Variants in HIRA observed in about 807,000 individuals in gnomAD.
HIRA encodes the protein protein HIRA.
Under a neutral mutation model 126.6 loss-of-function variants are expected in HIRA, and 13 were observed. The observed-to-expected ratio is 0.10, with a 90% confidence interval of 0.07 to 0.16. The LOEUF (loss-of-function observed/expected upper bound fraction) is 0.16, where lower values mean the gene tolerates loss of function less well. HIRA is among the 10% of genes least tolerant of loss of function. The probability of loss-of-function intolerance (pLI) is 1.00; values close to 1 mark genes in which losing one functional copy is unlikely to be tolerated. For missense variants in HIRA, 834 were observed against 1,314.4 expected (o/e 0.63, Z 5.65); for synonymous variants, 511 against 520.0 (o/e 0.98, Z 0.24).
In HIRA at chr22:19,363,553, G is replaced by A. The variant is rs576176775; in HGVS notation, c.1776-1622C>T. 3.0e-4 allele frequency among the ~76,000 whole-genome samples: 46 copies of A among 152,338 alleles called. 1 individual carries two copies. The highest frequency in any genetic ancestry group is 1.0e-3 in the African/African-American group (42 of 41,582). On this transcript the variant is annotated intron_variant, in intron 15 of 24. Coordinates refer to ENST00000263208, the MANE Select transcript of HIRA (RefSeq NM_003325.4). ...ACAATAAAAAGATCAGTGGTTTCCA[G>A]GGGTTGGGGAAAGGAAGGTAACTAT...
intron 5 of HIRA, among the ~76,000 whole-genome samples, chr22:19,400,403 G>A (rs913865918): frequency 2.0e-5 from 3 of 152,104 alleles, no homozygotes; most frequent in Admixed American, 6.5e-5. Flanking sequence ...TTTGATAAGC[G>A]ATGCCTCCTT....
chr22:19,408,404 C>A, intron 3 of HIRA, 79 bp downstream of exon 3: 1 of 937,124 alleles, frequency 1.1e-6, no homozygotes, highest in Non-Finnish European at 1.8e-6. Flanking sequence ...GGGGCCTTAT[C>A]TTTCTAATTA....
chr22:19,387,724 C>T lies in HIRA; in HGVS notation c.1100G>A (p.Ser367Asn). The T allele has an allele frequency of 1.2e-6, 2 of 1,613,862 alleles. No individual in the cohort carries two copies. Among genetic ancestry groups the T allele is most frequent in the East Asian group, 4.5e-5 (2 of 44,880 alleles). ...FSQDELGDPL[S>N]EEEKSRIHQS... ...CCGTCAGCCTACCTTCTCCTCCTCG[C>T]TCAGGGGATCGCCAAGCTCATCCTG... is the stretch of plus-strand genomic sequence containing the variant. Residue 367 changes from serine to asparagine, a missense_variant, in exon 11 of 25, where the codon AGC becomes AAC. Transcript: ENST00000263208.
At chr22:19,415,322 T>G (rs2089387331) in intron 1 of HIRA, among the ~76,000 whole-genome samples, 1 of 152,114 alleles carries the variant, frequency 6.6e-6, no homozygotes, top group Admixed American at 6.6e-5. Flanking sequence ...AGAAAACAAT[T>G]CAATTTACAA....
chr22:19,402,259 C>T (rs923579982), intron 5 of HIRA, among the ~76,000 whole-genome samples: 1 of 152,188 alleles, frequency 6.6e-6, no homozygotes, highest in African/African-American at 2.4e-5. Context: ...GGTATGTGGA[C>T]AAGTAAATAT....
At chr22:19,407,394 T>C in intron 3 of HIRA, 120 bp from the exon 4 acceptor site, 1 of 758,304 alleles carries the variant, frequency 1.3e-6, no homozygotes, top group African/African-American at 1.7e-5. Flanking sequence ...ATTTAAGGCA[T>C]CTACTGTGTG....
chr22:19,409,274 T>C (rs911276996), intron 2 of HIRA, among the ~76,000 whole-genome samples: 9 of 150,022 alleles, frequency 6.0e-5, no homozygotes, highest in African/African-American at 2.3e-4. Context: ...TGCCTTTTAG[T>C]AATGATTTCT....
chr22:19,348,270 C>T (rs1240544949), intron 24 of HIRA, among the ~76,000 whole-genome samples: 1 of 152,292 alleles, frequency 6.6e-6, no homozygotes, highest in Middle Eastern at 3.4e-3. Flanking sequence ...TTTTCAAATA[C>T]TATGTCCACC....
At chr22:19,333,250 G>C (rs2088515396) in intron 24 of HIRA, among the ~76,000 whole-genome samples, 1 of 151,906 alleles carries the variant, frequency 6.6e-6, no homozygotes, top group African/African-American at 2.4e-5. Context: ...CGTCTGGCAG[G>C]ATTAATCAAG....
chr22:19,430,968 A>T (rs2089531454), intron 1 of HIRA, among the ~76,000 whole-genome samples: 1 of 152,076 alleles, frequency 6.6e-6, no homozygotes, highest in African/African-American at 2.4e-5. Flanking sequence ...CAATTCCCCA[A>T]CTGGGGGCAC....
chr22:19,378,280 G>GA (rs2089038178), intron 13 of HIRA, among the ~76,000 whole-genome samples: 1 of 152,298 alleles, frequency 6.6e-6, no homozygotes, highest in African/African-American at 2.4e-5. Context: ...GTACTACTAA[G>GA]AAAGAAAACA....
rs1342426548 is a variant in HIRA, at chr22:19,392,106, C to G, written c.931G>C (p.Val311Leu). 6.3e-7 allele frequency: 1 copy of G among 1,577,308 alleles called. No homozygotes were observed. The highest frequency in any genetic ancestry group is 8.7e-7 in the Non-Finnish European group (1 of 1,151,546). Residue 311 changes from valine (V) to leucine (L), a missense_variant, in exon 9 of 25, where the codon GTC becomes CTC. Coordinates refer to ENST00000263208, the MANE Select transcript of HIRA (RefSeq NM_003325.4). ...AVGSKDRSLS[V>L]WLTCLKRPLV... ...GCTCAGGATAGCAGGCTCACCCAGA[C>G]AGAAAGCGAGCGGTCCTTGCTGCCA...
chr22:19,365,406 A>T (rs113580859), intron 15 of HIRA, among the ~76,000 whole-genome samples: 37 of 152,330 alleles, frequency 2.4e-4, no homozygotes, highest in African/African-American at 8.7e-4. Flanking sequence ...TGGTTATCTT[A>T]TTGAAGTGAA....
At chr22:19,404,219 G>GC (rs1381441022) in intron 5 of HIRA, among the ~76,000 whole-genome samples, 21 of 152,196 alleles carry the variant, frequency 1.4e-4, no homozygotes, top group Admixed American at 1.4e-3. Context: ...GGTTCTGCCT[G>GC]CACCTGCTAC....
intron 24 of HIRA, among the ~76,000 whole-genome samples, chr22:19,337,765 G>T (rs2088582191): frequency 6.6e-6 from 1 of 151,922 alleles, no homozygotes; most frequent in Admixed American, 6.6e-5. Flanking sequence ...TAAGGCAAAA[G>T]CATCAGGTAA....
At chr22:19,341,547 A>G (rs186524082) in intron 24 of HIRA, among the ~76,000 whole-genome samples, 1 of 152,276 alleles carries the variant, frequency 6.6e-6, no homozygotes, top group East Asian at 1.9e-4. Flanking sequence ...ACATCAAACT[A>G]TACTACAAGG....
In HIRA at chr22:19,354,094, G is replaced by A; in HGVS notation, c.2586C>T (p.Asp862=). The A allele has an allele frequency of 6.2e-7, 1 of 1,613,064 alleles. No homozygotes were observed. The highest frequency in any genetic ancestry group is 8.5e-7 in the Non-Finnish European group (1 of 1,179,568). The change falls in exon 22 of 25, where the codon GAC becomes GAT. Residue 862 remains aspartate, a synonymous_variant. Coordinates refer to ENST00000263208, the MANE Select transcript of HIRA (RefSeq NM_003325.4). ...STWNLVSDKQ[D]SLAQCADFRS... is the part of the protein sequence containing the mutation. ...TAAAGTCTGCACACTGAGCCAGTGA[G>A]TCCTGCTTGTCAGAAACCAGGTTCC... is the stretch of plus-strand genomic sequence containing the variant.
At chr22:19,372,571 A>ATTTTTT (rs200950966) in intron 15 of HIRA, among the ~76,000 whole-genome samples, 1 of 136,062 alleles carries the variant, frequency 7.3e-6, no homozygotes, top group African/African-American at 2.8e-5. Flanking sequence ...AAAGCTTTTA[A>ATTTTTT]TTTTTTTTTT....
chr22:19,429,126 G>A (rs1199228453), intron 1 of HIRA, among the ~76,000 whole-genome samples: 1 of 142,086 alleles, frequency 7.0e-6, no homozygotes, highest in Non-Finnish European at 1.5e-5. Context: ...TGCCAGAGTT[G>A]CCATATCTTT....
Sources: allele counts gnomAD v4.1 joint callset (sites outside exome capture counted in the v4.1 genomes callset), GRCh38; gene constraint gnomAD v4.1.1; transcripts MANE v1.5; gene names NCBI Gene and HGNC (gene_info 2026-07-23, HGNC 2026-07-21).